The following POLK variants were observed in gnomAD, a reference collection of about 807,000 sequenced individuals.
POLK encodes polymerase (DNA directed) kappa.
In POLK, 76 loss-of-function variants were observed where a neutral mutation model predicts 94.0. The observed-to-expected ratio is 0.81, with a 90% CI of 0.67 to 0.98. The LOEUF (loss-of-function observed/expected upper bound fraction) is 0.98. POLK is among the 50% of genes least tolerant of loss of function. The probability of loss-of-function intolerance (pLI) is 0.00; values close to 1 mark genes in which losing one functional copy is unlikely to be tolerated. For synonymous variants in POLK, 349 were observed against 325.4 expected (o/e 1.07, Z -0.78); for missense variants, 954 against 1,010.1 (o/e 0.94, Z 0.75).
chr5:75,578,177 A>T (rs1772003992), intron 6 of POLK, among the ~76,000 whole-genome samples: 1 of 151,988 alleles, frequency 6.6e-6, no homozygotes, highest in Non-Finnish European at 1.5e-5. Flanking sequence ...TTTTTTTGAG[A>T]TAGGGTCTCA....
At chr5:75,531,985 G>A (rs1769205671) in intron 1 of POLK, among the ~76,000 whole-genome samples, 1 of 152,100 alleles carries the variant, frequency 6.6e-6, no homozygotes, top group South Asian at 2.1e-4. Flanking sequence ...CTCCTCACAG[G>A]GCTGTCTCAC....
Position 75,511,819 on chromosome 5 carries a change from G to T in POLK, c.-109G>T, listed in dbSNP as rs768787922. The T allele has an allele frequency of 3.9e-6, 6 of 1,551,392 alleles. No homozygotes were observed. The South Asian group carries it at 7.1e-5, about 18-fold the overall frequency. ...AGGAGGAGCGGAGAAAGGAGAGGGC[G>T]GGGTAGGGATGCAGCTGTGCTGCAT... On this transcript the variant is annotated 5_prime_UTR_variant, in exon 1 of 15. Coordinates refer to ENST00000241436, the Ensembl canonical transcript of POLK.
chr5:75,564,858 C>G lies in POLK; in HGVS notation c.256-4482C>G, dbSNP rs1771182006. On this transcript the variant is annotated intron_variant, in intron 3 of 14. Coordinates refer to ENST00000241436, the Ensembl canonical transcript of POLK. Reference sequence around the variant, plus strand: ...CTTGGTGAATCTGATGATTATGTGTCTTGGGGTTGCTCTTCTCGAGGAGTA... The same window carrying G: ...CTTGGTGAATCTGATGATTATGTGTGTTGGGGTTGCTCTTCTCGAGGAGTA... Among the ~76,000 whole-genome samples the G allele has an allele frequency of 2.0e-5, 3 of 152,098 alleles. No individual in the cohort carries two copies. In the South Asian group the frequency reaches 6.2e-4, roughly 31 times the overall value.
intron 1 of POLK, among the ~76,000 whole-genome samples, chr5:75,517,779 A>T (rs1580901705): frequency 6.6e-6 from 1 of 152,192 alleles, no homozygotes; most frequent in Non-Finnish European, 1.5e-5. Context: ...TGGTTTTATC[A>T]CATGTGGCCT....
At chr5:75,547,030 G>C in exon 2 of POLK, 3 of 1,508,096 alleles carry the variant, frequency 2.0e-6, no homozygotes, top group Non-Finnish European at 2.7e-6. Context: ...ACCATGGATA[G>C]CACAAAGGAG....
intron 1 of POLK, among the ~76,000 whole-genome samples, chr5:75,518,870 C>T (rs904056120): frequency 6.6e-6 from 1 of 152,242 alleles, no homozygotes; most frequent in East Asian, 1.9e-4. Flanking sequence ...ATAGAGACAG[C>T]GTCTCACTTT....
intron 1 of POLK, among the ~76,000 whole-genome samples, chr5:75,528,869 T>G (rs1437706222): frequency 6.6e-6 from 1 of 152,196 alleles, no homozygotes; most frequent in African/African-American, 2.4e-5. Context: ...AAGTTTTGTA[T>G]TTTCATGACA....
intron 10 of POLK, among the ~76,000 whole-genome samples, chr5:75,588,771 A>G (rs952426608): frequency 2.6e-5 from 4 of 152,206 alleles, no homozygotes; most frequent in Non-Finnish European, 5.9e-5. Flanking sequence ...TCTAGAGGCC[A>G]CAGAATCTTT....
intron 1 of POLK, among the ~76,000 whole-genome samples, chr5:75,537,486 C>T (rs1315689441): frequency 6.6e-6 from 1 of 152,192 alleles, no homozygotes; most frequent in African/African-American, 2.4e-5. Context: ...TAGATCTCAA[C>T]GTTGTTTCTC....
chr5:75,576,972 GAAA>G, intron 6 of POLK, 39 bp downstream of exon 6: 1 of 1,045,486 alleles, frequency 9.6e-7, no homozygotes, highest in Non-Finnish European at 1.3e-6. Context: ...AAGAAGCAGT[GAAA>G]AAAAAAAACC....
chr5:75,534,241 G>C (rs1769334404), intron 1 of POLK, among the ~76,000 whole-genome samples: 1 of 150,926 alleles, frequency 6.6e-6, no homozygotes, highest in Non-Finnish European at 1.5e-5. Flanking sequence ...ATTGCAGCTT[G>C]GATGACAGAG....
exon 7 of POLK, chr5:75,581,327 T>C (rs368303484): frequency 1.9e-6 from 3 of 1,613,838 alleles, no homozygotes; most frequent in African/African-American, 2.7e-5. Context: ...AAGTGAACTT[T>C]GAAGAACAAA....
intron 3 of POLK, among the ~76,000 whole-genome samples, chr5:75,563,841 G>A (rs925238236): frequency 4.5e-4 from 68 of 152,252 alleles, no homozygotes; most frequent in Admixed American, 7.2e-4. Flanking sequence ...GAATAATTGC[G>A]ATGTGTTGCT....
chr5:75,580,864 T>A (rs1457451438), intron 6 of POLK, among the ~76,000 whole-genome samples: 5 of 150,212 alleles, frequency 3.3e-5, no homozygotes, highest in African/African-American at 1.2e-4. Context: ...AAGAAAAGAT[T>A]TCCTTTTTTT....
At chr5:75,604,257 G>A (rs767017466), downstream of POLK, among the ~76,000 whole-genome samples, 33 of 151,964 alleles carry the variant, frequency 2.2e-4, no homozygotes, top group Non-Finnish European at 3.2e-4. Flanking sequence ...ATACTGTGTC[G>A]TTTTGGAGTG....
chr5:75,596,256 C>G, exon 13 of POLK: 2 of 1,609,550 alleles, frequency 1.2e-6, no homozygotes, highest in African/African-American at 2.7e-5. Context: ...ATGAAGAGGA[C>G]AGGAAACACC....
At chr5:75,576,738 C>T (rs778950910) in intron 5 of POLK, 42 bp from the exon 6 acceptor site, 81 of 1,147,746 alleles carry the variant, frequency 7.1e-5, no homozygotes, top group Non-Finnish European at 9.5e-5. Context: ...AAGAAGTTTG[C>T]TATCACAGCA....
At chr5:75,522,920 A>G (rs959429175) in intron 1 of POLK, among the ~76,000 whole-genome samples, 6 of 152,274 alleles carry the variant, frequency 3.9e-5, no homozygotes, top group African/African-American at 1.4e-4. Context: ...ATAAAATATT[A>G]ATGTTTACAA....
intron 3 of POLK, among the ~76,000 whole-genome samples, chr5:75,560,459 T>A (rs1192647927): frequency 6.6e-6 from 1 of 152,212 alleles, no homozygotes; most frequent in Non-Finnish European, 1.5e-5. Flanking sequence ...CTGTAACTAA[T>A]GAGTTGCAGT....
Sources: gnomAD v4.1 joint callset for allele counts (sites outside exome capture counted in the v4.1 genomes callset) on GRCh38, gnomAD v4.1.1 for gene constraint, MANE v1.5 for transcripts, NCBI Gene and HGNC (gene_info 2026-07-23, HGNC 2026-07-21) for gene names.